PRKDC: variants seen among roughly 807,000 people sequenced by gnomAD.
The protein encoded by PRKDC is protein kinase, DNA-activated, catalytic subunit, also known as DNA-dependent protein kinase catalytic subunit.
PRKDC carries 82 observed loss-of-function variants against 486.9 expected under a neutral mutation model. The observed-to-expected ratio is 0.17, with a 90% CI of 0.14 to 0.20. The LOEUF is 0.20. Ranked by LOEUF, PRKDC falls within the 10% of genes least tolerant of loss-of-function variation. PRKDC has a pLI of 1.00. For synonymous variants in PRKDC, 1,895 were observed against 1,837.0 expected (o/e 1.03, Z -0.81); for missense variants, 4,504 against 5,038.2 (o/e 0.89, Z 3.21).
intron 40 of PRKDC, among the ~76,000 whole-genome samples, chr8:47,876,500 A>T (rs2089095204): frequency 6.6e-6 from 1 of 152,042 alleles, no homozygotes; most frequent in African/African-American, 2.4e-5. Flanking sequence ...CGTCTCTACT[A>T]AAAATACAAA....
At chr8:47,779,886 CCT>C (rs2086669601) in intron 80 of PRKDC, among the ~76,000 whole-genome samples, 1 of 145,316 alleles carries the variant, frequency 6.9e-6, no homozygotes, top group Non-Finnish European at 1.5e-5. Flanking sequence ...CCACGCCTGG[CCT>C]CTTTTTCTTT....
At chr8:47,802,655 T>A (rs1042594471) in intron 70 of PRKDC, among the ~76,000 whole-genome samples, 1 of 149,674 alleles carries the variant, frequency 6.7e-6, no homozygotes, top group Non-Finnish European at 1.5e-5. Context: ...TTTTTGTAAT[T>A]TTTTTTTTTC....
chr8:47,867,859 A>G (rs1417371625), intron 40 of PRKDC, among the ~76,000 whole-genome samples: 1 of 152,124 alleles, frequency 6.6e-6, no homozygotes, highest in East Asian at 1.9e-4. Flanking sequence ...TTTGTTGGCT[A>G]TTGGTTTTTC....
Position 47,862,068 on chromosome 8 carries a change from T to G in PRKDC, c.5979A>C (p.Glu1993Asp). 6.4e-7 allele frequency: 1 copy of G among 1,551,090 alleles called. No homozygotes were observed. The highest frequency in any genetic ancestry group is 1.4e-5 in the African/African-American group (1 of 73,334). The change falls in exon 44 of 86, where the codon GAA becomes GAC. Residue 1993 changes from glutamate to aspartate, a missense_variant. Coordinates refer to ENST00000314191, the MANE Select transcript of PRKDC (RefSeq NM_006904.7). ...DLKRRYNFPV[E>D]VEVPMERKKK... ...CATTGAAAATTTCACTCACCTCAAC[T>G]TCTACAGGAAAATTATAGCGGCGCT...
At chr8:47,943,544 T>G (rs2090481414) in intron 9 of PRKDC, among the ~76,000 whole-genome samples, 178 bp from the exon 10 acceptor site, 1 of 152,202 alleles carries the variant, frequency 6.6e-6, no homozygotes, top group Non-Finnish European at 1.5e-5. Context: ...AACAGGCCCA[T>G]AACTTGGCTG....
At chr8:47,885,851 C>T (rs2089315560) in intron 36 of PRKDC, 93 bp downstream of exon 36, 6 of 1,219,832 alleles carry the variant, frequency 4.9e-6, no homozygotes, top group Non-Finnish European at 7.1e-6. Context: ...GAGATCGTGC[C>T]ACTGCACTCC....
chr8:47,934,224 T>A (rs2090307852), intron 14 of PRKDC, 134 bp from the exon 15 acceptor site: 5 of 1,079,796 alleles, frequency 4.6e-6, no homozygotes, highest in Non-Finnish European at 6.4e-6. Context: ...AAGGAAGACA[T>A]CGTATTAAAA....
rs753601377 is a variant in PRKDC, at chr8:47,953,810, G to A, written c.618C>T (p.Thr206=). ...AATGTCATAAAGTTCATCATACCTG[G>A]GTCTTAAGTTCACCCAGAAAAGCGC... is the stretch of plus-strand genomic sequence containing the variant. The part of the protein sequence containing the change: ...LFRAFLGELK[T]QMTSAVREPK... Residue 206 remains threonine (T), a synonymous_variant, in exon 6 of 86, where the codon ACC becomes ACT. Transcript: ENST00000314191. The A allele has an allele frequency of 1.6e-5, 25 of 1,571,962 alleles. No homozygotes were observed. The South Asian group carries it at 2.7e-4, about 17-fold the overall frequency.
chr8:47,778,797 C>A lies in PRKDC; in HGVS notation c.11582G>T (p.Gly3861Val), dbSNP rs554733258. The A allele has an allele frequency of 2.1e-5, 34 of 1,612,650 alleles. No individual in the cohort carries two copies. The African/African-American group carries it at 3.2e-4, about 15-fold the overall frequency. Residue 3861 changes from glycine (G) to valine (V), a missense_variant and splice_region_variant, in exon 82 of 86, where the codon GGC becomes GTC. By Grantham distance (109) the Gly-to-Val change is moderately radical. This residue lies in a region of PRKDC where 706 missense variants were observed against 945.0 expected (regional missense o/e 0.75). Transcript: ENST00000314191. ...CGTGACTGTTTCAGTACGATTAGCGCCCCTATGATTTAATAATAGAAACAT... is the reference window on the plus strand; with the variant it reads ...CGTGACTGTTTCAGTACGATTAGCGACCCTATGATTTAATAATAGAAACAT... ...DVGAYMLMYK[G>V]ANRTETVTSF...
At chr8:47,872,375 A>G (rs1256986964) in intron 40 of PRKDC, among the ~76,000 whole-genome samples, 3 of 152,142 alleles carry the variant, frequency 2.0e-5, no homozygotes, top group African/African-American at 7.2e-5. Context: ...GCAAGGAGGA[A>G]AGACCACAAA....
chr8:47,839,168 G>C lies in PRKDC; in HGVS notation c.7533C>G (p.Ile2511Met). ...LAKDVLIQGL[I>M]DENPGLQLII... ...CGTACTGAAGTCCAGGGTTCTCATC[G>C]ATCAATCCTTGAATCAGCACATCTT... is the stretch of plus-strand genomic sequence containing the variant. The change falls in exon 56 of 86, where the codon ATC becomes ATG. Residue 2511 changes from isoleucine (I) to methionine (M), a missense_variant. Ile to Met is a conservative substitution (Grantham distance 10, BLOSUM62 1). Around this residue, in one of 6 missense-constraint regions of PRKDC, gnomAD observed 1,592 missense variants for 1,724.6 expected, o/e 0.92. Coordinates refer to ENST00000314191, the MANE Select transcript of PRKDC (RefSeq NM_006904.7). 2 of 1,613,280 alleles carry C rather than the reference G, an allele frequency of 1.2e-6. No individual in the cohort carries two copies. Among genetic ancestry groups the C allele is most frequent in the Non-Finnish European group, 1.7e-6 (2 of 1,179,372 alleles).
chr8:47,857,996 T>C (rs748726398), intron 48 of PRKDC, among the ~76,000 whole-genome samples: 16 of 152,084 alleles, frequency 1.1e-4, no homozygotes, highest in Non-Finnish European at 2.2e-4. Flanking sequence ...CCTGCTTGGC[T>C]CACCCAGGGA....
chr8:47,861,999 C>A, intron 44 of PRKDC, 63 bp downstream of exon 44: 1 of 1,311,932 alleles, frequency 7.6e-7, no homozygotes. Context: ...ACGTGTTTGA[C>A]ATAATATGGT....
chr8:47,900,436 A>G lies in PRKDC; in HGVS notation c.3301T>C (p.Phe1101Leu), dbSNP rs1272586461. 1 of 1,611,446 alleles carries G rather than the reference A, an allele frequency of 6.2e-7. No homozygotes were observed. The highest frequency in any genetic ancestry group is 8.5e-7 in the Non-Finnish European group (1 of 1,178,896). The change falls in exon 28 of 86, where the codon TTT becomes CTT. Residue 1101 changes from phenylalanine to leucine, a missense_variant. Transcript: ENST00000314191. ...EEESLVEQFVFEALVIYMESL... is the reference protein window; with the variant it reads ...EEESLVEQFVLEALVIYMESL... ...TCCATGTATATCACCAAGGCTTCAAACACAAACTGTTCCACCAGAGACTCT... is the reference window on the plus strand; with the variant it reads ...TCCATGTATATCACCAAGGCTTCAAGCACAAACTGTTCCACCAGAGACTCT...
At chr8:47,827,038 G>A (rs146039042) in intron 62 of PRKDC, among the ~76,000 whole-genome samples, 177 bp from the exon 63 acceptor site, 96 of 151,858 alleles carry the variant, frequency 6.3e-4, no homozygotes, top group Middle Eastern at 3.4e-3. Flanking sequence ...TTGCTCAAAG[G>A]AGGAAATGAC....
At chr8:47,952,864 G>A (rs557923099) in intron 7 of PRKDC, among the ~76,000 whole-genome samples, 3 of 151,604 alleles carry the variant, frequency 2.0e-5, no homozygotes, top group South Asian at 4.2e-4. Flanking sequence ...ATTAGGCCGG[G>A]TGCGGTGGCT....
chr8:47,953,127 C>T (rs10089088), intron 7 of PRKDC, among the ~76,000 whole-genome samples: 3 of 151,594 alleles, frequency 2.0e-5, no homozygotes, highest in East Asian at 1.9e-4. Context: ...GGCTACGGAG[C>T]GAGACTCTGT....
intron 19 of PRKDC, among the ~76,000 whole-genome samples, chr8:47,928,746 C>T (rs569154773): frequency 6.6e-6 from 1 of 152,144 alleles, no homozygotes; most frequent in Non-Finnish European, 1.5e-5. Context: ...TACAGTAGTG[C>T]AATCTCAGCT....
intron 40 of PRKDC, among the ~76,000 whole-genome samples, chr8:47,876,259 C>T (rs1236952851): frequency 6.6e-6 from 1 of 152,090 alleles, no homozygotes; most frequent in Non-Finnish European, 1.5e-5. Context: ...CAACTCAAGA[C>T]AAATTTACAT....
Sources: gnomAD v4.1 joint callset for allele counts (sites outside exome capture counted in the v4.1 genomes callset) on GRCh38, gnomAD v4.1.1 for gene constraint, gnomAD v4.1.1 regional missense constraint, MANE v1.5 for transcripts, NCBI Gene and HGNC (gene_info 2026-07-23, HGNC 2026-07-21) for gene names.